C10orf53: variants seen among roughly 807,000 people sequenced by gnomAD.
The protein encoded by C10orf53 is chromosome 10 open reading frame 53, also known as UPF0728 protein C10orf53.
In C10orf53, 8 loss-of-function variants were observed where a neutral mutation model predicts 9.4. The observed-to-expected ratio is 0.85, with a 90% confidence interval of 0.50 to 1.53. The LOEUF is 1.53. Among genes scored for constraint, C10orf53 ranks in the 40% most tolerant of loss-of-function variants. C10orf53 has a pLI of 0.00. For missense variants in C10orf53, 117 were observed against 117.8 expected (o/e 0.99, Z 0.03); for synonymous variants, 48 against 46.0 (o/e 1.04, Z -0.18).
chr10:49,699,257 A>G (rs1840663201), downstream of C10orf53, among the ~76,000 whole-genome samples: 1 of 121,452 alleles, frequency 8.2e-6, no homozygotes, highest in East Asian at 2.9e-4. Flanking sequence ...TGAGTAGCAC[A>G]GTCATAGCTC....
chr10:49,698,210 A>C (rs975364645), downstream of C10orf53, among the ~76,000 whole-genome samples: 2 of 152,192 alleles, frequency 1.3e-5, no homozygotes, highest in African/African-American at 4.8e-5. Flanking sequence ...GGATAGCTTG[A>C]ACCCAAGAGT....
chr10:49,693,391 G>T (rs1840603116), intron 1 of C10orf53, among the ~76,000 whole-genome samples: 1 of 152,118 alleles, frequency 6.6e-6, no homozygotes, highest in Non-Finnish European at 1.5e-5. Flanking sequence ...CCTCCAGAAG[G>T]TGTTCAATTT....
intron 1 of C10orf53, among the ~76,000 whole-genome samples, chr10:49,693,280 C>T (rs1414700537): frequency 6.6e-6 from 1 of 152,132 alleles, no homozygotes; most frequent in African/African-American, 2.4e-5. Flanking sequence ...CAAAAATCTG[C>T]CTGTATTTTT....
At chr10:49,709,403 G>C (rs1264411705) in exon 3 of C10orf53, 1 of 152,274 alleles carries the variant, frequency 6.6e-6, no homozygotes, top group Non-Finnish European at 1.5e-5. Context: ...TCGGCAGCAT[G>C]ACCATGGGCT....
rs1840618760 is a variant in C10orf53 at position 49,694,715 on chromosome 10, G to T, written c.*113G>T. The T allele has an allele frequency of 1.3e-6, 2 of 1,547,986 alleles. No individual in the cohort carries two copies. Among genetic ancestry groups the T allele is most frequent in the South Asian group, 1.2e-5 (1 of 82,618 alleles). Reference sequence around the variant, plus strand: ...TGTGGACACTGGGCTCTGCTAGTCAGAACAGGGCAACTCGGGCCTGACCTC... The same window carrying T: ...TGTGGACACTGGGCTCTGCTAGTCATAACAGGGCAACTCGGGCCTGACCTC... On this transcript the variant is annotated 3_prime_UTR_variant, in exon 3 of 3. Coordinates refer to ENST00000374111, the MANE Select transcript of C10orf53 (RefSeq NM_001042427.3).
At chr10:49,684,743 A>C (rs1041762207) in intron 1 of C10orf53, among the ~76,000 whole-genome samples, 21 of 152,210 alleles carry the variant, frequency 1.4e-4, no homozygotes, top group African/African-American at 4.8e-4. Flanking sequence ...TATTAGCATT[A>C]ACAACATTTT....
chr10:49,708,519 T>A (rs141095206), exon 3 of C10orf53: 31 of 1,614,086 alleles, frequency 1.9e-5, no homozygotes, highest in Non-Finnish European at 2.5e-5. Context: ...GATTGGATCA[T>A]GTATCCATTT....
intron 1 of C10orf53, among the ~76,000 whole-genome samples, chr10:49,686,832 AT>A (rs113517750): frequency 1.3e-5 from 2 of 152,290 alleles, no homozygotes; most frequent in African/African-American, 4.8e-5. Context: ...AGTAATCCTA[AT>A]TTTGCCTTGC....
rs1590636397 is a variant in C10orf53, at chr10:49,679,721, C to T, written c.24C>T (p.Ile8=). The change falls in exon 1 of 3, where the codon ATC becomes ATT. Residue 8 remains isoleucine (I), a synonymous_variant. Coordinates refer to ENST00000374111, the MANE Select transcript of C10orf53 (RefSeq NM_001042427.3). MPKNAVV[I]LRYGPYSAAG... ...CGATGCCCAAGAACGCAGTGGTCATCCTGCGCTATGGGCCCTACAGCGCGG... is the reference window on the plus strand; with the variant it reads ...CGATGCCCAAGAACGCAGTGGTCATTCTGCGCTATGGGCCCTACAGCGCGG... The T allele has an allele frequency of 1.3e-6, 2 of 1,548,562 alleles. No individual in the cohort carries two copies. Among genetic ancestry groups the T allele is most frequent in the Non-Finnish European group, 1.7e-6 (2 of 1,146,094 alleles).
downstream of C10orf53, among the ~76,000 whole-genome samples, chr10:49,698,560 C>G (rs1840655198): frequency 6.6e-6 from 1 of 152,186 alleles, no homozygotes; most frequent in South Asian, 2.1e-4. Flanking sequence ...TGGTGACAAT[C>G]AACAAATGCC....
intron 2 of C10orf53, among the ~76,000 whole-genome samples, chr10:49,708,170 A>G (rs1840735771): frequency 6.6e-6 from 1 of 151,406 alleles, no homozygotes; most frequent in Non-Finnish European, 1.5e-5. Context: ...TCAATGGTTA[A>G]GTCAGGAAAT....
intron 1 of C10orf53, 79 bp downstream of exon 1, chr10:49,679,873 T>G: frequency 7.7e-7 from 1 of 1,292,952 alleles, no homozygotes; most frequent in Non-Finnish European, 1.0e-6. Context: ...TGCCTAGGCC[T>G]TCCTCAGACC....
chr10:49,704,023 C>T lies in C10orf53; in HGVS notation c.218-4338C>T, dbSNP rs1017198164. On this transcript the variant is annotated intron_variant, in intron 2 of 2. Coordinates refer to the C10orf53 transcript ENST00000374112. ...CCATCTGGAGGAGCAACGCCATTCC[C>T]GCCTGTCCTTATCCTACTATAAACT... Among the ~76,000 whole-genome samples the T allele has an allele frequency of 3.3e-5, 5 of 152,272 alleles. No homozygotes were observed. The East Asian group carries it at 7.7e-4, about 24-fold the overall frequency.
At position 49,682,332 on chromosome 10, in the gene C10orf53, G is replaced by A. The variant is rs372226956; in HGVS notation, c.97+2538G>A. Among the ~76,000 whole-genome samples the A allele has an allele frequency of 5.8e-4, 89 of 152,172 alleles. 2 individuals are homozygous for A. The highest frequency in any genetic ancestry group is 7.7e-4 in the East Asian group (4 of 5,178). On this transcript the variant is annotated intron_variant, in intron 1 of 2. Coordinates refer to ENST00000374111, the MANE Select transcript of C10orf53 (RefSeq NM_001042427.3). ...CTTCAAGAATGAAGCCAGGGACCTC[G>A]CGGTGAGTGTTACAGCTCTTAAAGG...
chr10:49,689,299 G>A (rs1485310146), intron 1 of C10orf53, among the ~76,000 whole-genome samples: 1 of 152,146 alleles, frequency 6.6e-6, no homozygotes, highest in Non-Finnish European at 1.5e-5. Context: ...TGGCATTTCA[G>A]GAAGAAAATT....
chr10:49,693,971 G>A (rs751853054), intron 2 of C10orf53, 78 bp downstream of exon 2: 18 of 1,587,864 alleles, frequency 1.1e-5, no homozygotes, highest in Admixed American at 1.7e-5. Context: ...GAAATGATCA[G>A]TGTATCATGC....
At chr10:49,707,479 T>C (rs1840731004) in intron 2 of C10orf53, among the ~76,000 whole-genome samples, 1 of 152,114 alleles carries the variant, frequency 6.6e-6, no homozygotes, top group Non-Finnish European at 1.5e-5. Flanking sequence ...GTGAACCAGG[T>C]TCAGGCAAAA....
At chr10:49,703,086 G>A (rs1188156716) in intron 2 of C10orf53, among the ~76,000 whole-genome samples, 1 of 152,078 alleles carries the variant, frequency 6.6e-6, no homozygotes, top group East Asian at 1.9e-4. Flanking sequence ...CACCTCTCGT[G>A]TCTCTTCACC....
chr10:49,680,815 G>T (rs1164210398), intron 1 of C10orf53, among the ~76,000 whole-genome samples: 1 of 152,218 alleles, frequency 6.6e-6, no homozygotes, highest in Non-Finnish European at 1.5e-5. Flanking sequence ...ATGTTATCCG[G>T]ATCTAATCAG....
Sources: allele counts gnomAD v4.1 joint callset (sites outside exome capture counted in the v4.1 genomes callset), GRCh38; gene constraint gnomAD v4.1.1; transcripts MANE v1.5; gene names NCBI Gene and HGNC (gene_info 2026-07-23, HGNC 2026-07-21).